The following KALRN variants were observed in gnomAD, a reference collection of about 807,000 sequenced individuals.
The protein encoded by KALRN is kalirin.
In KALRN, 70 loss-of-function variants were observed where a neutral mutation model predicts 353.7. That is an observed-to-expected ratio of 0.20 (90% CI 0.16 to 0.24). The LOEUF is 0.24. Ranked by LOEUF, KALRN falls within the 10% of genes least tolerant of loss-of-function variation. KALRN has a pLI of 1.00. For missense variants in KALRN, 2,791 were observed against 3,756.7 expected (o/e 0.74, Z 6.72); for synonymous variants, 1,391 against 1,434.8 (o/e 0.97, Z 0.69).
intron 25 of KALRN, among the ~76,000 whole-genome samples, chr3:124,463,727 G>A (rs2060066556): frequency 6.6e-6 from 1 of 152,188 alleles, no homozygotes; most frequent in African/African-American, 2.4e-5. Flanking sequence ...CAAGAATTGG[G>A]TGTAAAATGA....
At chr3:124,429,889 C>CT (rs569966068) in intron 15 of KALRN, among the ~76,000 whole-genome samples, 142 of 152,204 alleles carry the variant, frequency 9.3e-4, no homozygotes, top group African/African-American at 3.2e-3. Context: ...CTCTTTTCTC[C>CT]TTTTTTGGGG....
intron 5 of KALRN, among the ~76,000 whole-genome samples, chr3:124,289,101 G>A (rs531293804): frequency 2.8e-4 from 42 of 152,256 alleles, no homozygotes; most frequent in South Asian, 8.3e-4. Flanking sequence ...ATGGCAGAAG[G>A]CACCACATGT....
chr3:124,206,776 G>T (rs900935838), intron 1 of KALRN, among the ~76,000 whole-genome samples: 1 of 152,170 alleles, frequency 6.6e-6, no homozygotes, highest in Admixed American at 6.5e-5. Context: ...AATAATATTT[G>T]CTGTTGTGTT....
chr3:124,663,222 T>C (rs1272849627), intron 45 of KALRN, among the ~76,000 whole-genome samples: 2 of 152,186 alleles, frequency 1.3e-5, no homozygotes, highest in African/African-American at 4.8e-5. Context: ...GCTGGGATTA[T>C]AGGCGTGAGC....
At chr3:124,592,166 G>C (rs1034222685) in intron 34 of KALRN, among the ~76,000 whole-genome samples, 2 of 151,990 alleles carry the variant, frequency 1.3e-5, no homozygotes, top group Admixed American at 1.3e-4. Context: ...CCTGGGTGTG[G>C]TGGTGCACGT....
chr3:124,703,777 C>G (rs2062461574), intron 57 of KALRN, among the ~76,000 whole-genome samples: 1 of 152,124 alleles, frequency 6.6e-6, no homozygotes, highest in Non-Finnish European at 1.5e-5. Flanking sequence ...GATCAGTCTT[C>G]CAAGTAGCTG....
chr3:124,152,737 G>T (rs1400373547), intron 1 of KALRN, among the ~76,000 whole-genome samples: 1 of 151,466 alleles, frequency 6.6e-6, no homozygotes, highest in African/African-American at 2.4e-5. Flanking sequence ...GGGATTACAG[G>T]CTCCTGCTAC....
intron 1 of KALRN, among the ~76,000 whole-genome samples, chr3:124,084,714 T>A (rs552938028): frequency 6.6e-6 from 1 of 152,320 alleles, no homozygotes; most frequent in African/African-American, 2.4e-5. Context: ...TGTTTTTGGT[T>A]ATGGGAATAT....
intron 10 of KALRN, among the ~76,000 whole-genome samples, chr3:124,373,930 T>C (rs1227687652): frequency 6.6e-6 from 1 of 152,236 alleles, no homozygotes; most frequent in African/African-American, 2.4e-5. Flanking sequence ...ATGGTGTTAC[T>C]GTTGAGAAAC....
chr3:124,239,018 A>G (rs1238120141), intron 3 of KALRN, among the ~76,000 whole-genome samples: 3 of 152,262 alleles, frequency 2.0e-5, no homozygotes, highest in Admixed American at 6.5e-5. Context: ...AGTGTCTACT[A>G]TGAGACAAGT....
rs3054177 is a variant in KALRN at position 124,265,298 on chromosome 3, C to CTTTTTTTTTTTTTTTTTTTTTTT, written c.456+622_456+623insTTTTTTTTTTTTTTTTTTTTTTT. Among the ~76,000 whole-genome samples, 28 of 73,110 alleles carry CTTTTTTTTTTTTTTTTTTTTTTT rather than the reference C, an allele frequency of 3.8e-4. 7 individuals are homozygous for CTTTTTTTTTTTTTTTTTTTTTTT. The highest frequency in any genetic ancestry group is 4.3e-4 in the African/African-American group (8 of 18,682). 48.0% of individuals were successfully genotyped at this position (73,110 alleles called of 152,430 possible). ...CTAGTAACTAATTTAAGAAAATATT[C>CTTTTTTTTTTTTTTTTTTTTTTT]TTTTTTTTTTTTTTGAGATAGAGTC... On this transcript the variant is annotated intron_variant, in intron 4 of 59. Transcript: ENST00000682506.
chr3:124,245,801 C>A (rs1199693574), intron 3 of KALRN, among the ~76,000 whole-genome samples: 1 of 151,936 alleles, frequency 6.6e-6, no homozygotes, highest in Non-Finnish European at 1.5e-5. Flanking sequence ...ACCTGTTGGC[C>A]ATTTTGTATA....
Position 124,488,189 on chromosome 3 carries a change from C to CT in KALRN, c.4285-7dup, listed in dbSNP as rs749824515. ...GGAGATGGCCCTAATTATGTCCGGA[C>CT]TTTTTTTTCCCCAGGAACTTTTAAC... On this transcript the variant is annotated splice_polypyrimidine_tract_variant and intron_variant, in intron 28 of 59. Coordinates refer to ENST00000682506, the MANE Select transcript of KALRN (RefSeq NM_001388419.1). 50 of 1,578,242 alleles carry CT rather than the reference C, an allele frequency of 3.2e-5. No individual in the cohort carries two copies. Among genetic ancestry groups the CT allele is most frequent in the Non-Finnish European group, 3.7e-5 (43 of 1,148,728 alleles).
chr3:124,279,718 C>A (rs1313253666), intron 5 of KALRN, among the ~76,000 whole-genome samples: 1 of 152,182 alleles, frequency 6.6e-6, no homozygotes, highest in African/African-American at 2.4e-5. Flanking sequence ...ATCACTGTGC[C>A]GAGTACTGTG....
At chr3:124,486,642 A>G (rs2062602121) in intron 28 of KALRN, among the ~76,000 whole-genome samples, 1 of 152,234 alleles carries the variant, frequency 6.6e-6, no homozygotes, top group South Asian at 2.1e-4. Context: ...GCTTGACTAA[A>G]AATTTCAAGG....
intron 1 of KALRN, among the ~76,000 whole-genome samples, chr3:124,074,726 A>G (rs776554807): frequency 1.3e-5 from 2 of 152,270 alleles, no homozygotes; most frequent in South Asian, 2.1e-4. Flanking sequence ...GCTCCCTCCT[A>G]CAGATTATAA....
intron 34 of KALRN, 100 bp from the exon 35 acceptor site, chr3:124,632,320 C>A: frequency 1.7e-6 from 2 of 1,187,892 alleles, no homozygotes; most frequent in Non-Finnish European, 2.4e-6. Context: ...GGACATTCTG[C>A]CTTGTGTCCT....
chr3:124,664,371 G>GTGTGTGCGCGCA (rs780486751), intron 45 of KALRN, among the ~76,000 whole-genome samples: 2 of 77,044 alleles, frequency 2.6e-5, no homozygotes, highest in African/African-American at 2.1e-4. Context: ...GTGTGTGTGT[G>GTGTGTGCGCGCA]CGCGCGCGCG....
chr3:124,224,341 G>A (rs2078251725), intron 1 of KALRN, among the ~76,000 whole-genome samples: 1 of 147,462 alleles, frequency 6.8e-6, no homozygotes, highest in Admixed American at 6.8e-5. Flanking sequence ...GGACCACACA[G>A]AAAATACACT....
Sources: allele counts gnomAD v4.1 joint callset (sites outside exome capture counted in the v4.1 genomes callset), GRCh38; gene constraint gnomAD v4.1.1; transcripts MANE v1.5; gene names NCBI Gene and HGNC (gene_info 2026-07-23, HGNC 2026-07-21).